CREBBP: variants seen among roughly 807,000 people sequenced by gnomAD.
The protein encoded by CREBBP is CREB-binding protein.
In CREBBP, 19 loss-of-function variants were observed where a neutral mutation model predicts 265.0. The observed-to-expected ratio is 0.07, with a 90% CI of 0.05 to 0.11. CREBBP has a LOEUF of 0.11. CREBBP is among the 10% of genes least tolerant of loss of function. CREBBP has a pLI of 1.00. For synonymous variants in CREBBP, 1,457 were observed against 1,223.7 expected, an observed-to-expected ratio of 1.19 and a Z score of -3.98; for missense variants, 2,525 against 3,219.0, an observed-to-expected ratio of 0.78 and a Z score of 5.22.
intron 21 of CREBBP, among the ~76,000 whole-genome samples, chr16:3,749,327 C>G (rs1468342505): frequency 2.0e-5 from 3 of 152,172 alleles, no homozygotes; most frequent in African/African-American, 7.2e-5. Context: ...TCTAAAGATT[C>G]ATGCTAAATG....
intron 18 of CREBBP, 56 bp downstream of exon 18, chr16:3,757,753 C>T (rs2151382900): frequency 6.2e-7 from 1 of 1,607,360 alleles, no homozygotes; most frequent in Non-Finnish European, 8.5e-7. Context: ...AGTATAACAC[C>T]CCTCTGGCTG....
intron 5 of CREBBP, among the ~76,000 whole-genome samples, chr16:3,789,253 G>A (rs959726204): frequency 2.6e-5 from 4 of 152,160 alleles, no homozygotes; most frequent in African/African-American, 9.7e-5. Flanking sequence ...AGGCTTCCAG[G>A]AGCTCATCAC....
Position 3,880,056 on chromosome 16 carries a change from G to A in CREBBP, c.-140C>T, listed in dbSNP as rs1229710093. Reference sequence around the variant, plus strand: ...CGGGCGGGCGGGCGCCGAGGGAGAGGGAGGGCGCAGGCCGGGTGGGGGAGG... The same window carrying A: ...CGGGCGGGCGGGCGCCGAGGGAGAGAGAGGGCGCAGGCCGGGTGGGGGAGG... On this transcript the variant is annotated 5_prime_UTR_variant, in exon 1 of 31. Transcript: ENST00000262367. 4 of 513,114 alleles carry A rather than the reference G, an allele frequency of 7.8e-6. No homozygotes were observed. Among genetic ancestry groups the A allele is most frequent in the East Asian group, 4.7e-5 (1 of 21,102 alleles). 31.8% of individuals were successfully genotyped at this position (513,114 alleles called of 1,614,324 possible). A position where few individuals can be genotyped will look rare whatever the true frequency, so the allele number is the denominator to read the frequency against.
chr16:3,743,052 C>A (rs556985807), intron 23 of CREBBP: 1 of 152,208 alleles, frequency 6.6e-6, no homozygotes, highest in African/African-American at 2.4e-5. Context: ...AATGCATTAG[C>A]GAACTCACTC....
At chr16:3,874,467 A>G (rs1014448094) in intron 1 of CREBBP, among the ~76,000 whole-genome samples, 1 of 152,248 alleles carries the variant, frequency 6.6e-6, no homozygotes, top group African/African-American at 2.4e-5. Flanking sequence ...CTCAGATGCC[A>G]GTCTTTACAA....
intron 3 of CREBBP, among the ~76,000 whole-genome samples, chr16:3,794,657 G>T (rs375468342): frequency 6.6e-6 from 1 of 152,296 alleles, no homozygotes; most frequent in East Asian, 1.9e-4. Flanking sequence ...TACAGAAAGG[G>T]TTTGCTTTCA....
rs2054812348 is a variant in CREBBP, at chr16:3,850,629, G to C, written c.466C>G (p.Gln156Glu). 3 of 1,614,106 alleles carry C rather than the reference G, an allele frequency of 1.9e-6. No homozygotes were observed. Among genetic ancestry groups the C allele is most frequent in the Non-Finnish European group, 2.5e-6 (3 of 1,180,056 alleles). The change falls in exon 2 of 31, where the codon CAA (glutamine) becomes GAA (glutamate). Residue 156 changes from glutamine to glutamate, a missense_variant. Physicochemically the swap from Gln to Glu is conservative, Grantham distance 29. Transcript: ENST00000262367. ...CTAGTCGCCAGCCCCACTTGCTTTT[G>C]TGCTTGCGGATTCAGTGCTTGGGAG... ...AASQALNPQA[Q>E]KQVGLATSSP...
intron 3 of CREBBP, among the ~76,000 whole-genome samples, chr16:3,794,633 T>C (rs567491625): frequency 9.2e-5 from 14 of 152,322 alleles, no homozygotes; most frequent in Non-Finnish European, 1.8e-4. Flanking sequence ...AAAGATTTGG[T>C]GATCTGCTAA....
intron 19 of CREBBP, among the ~76,000 whole-genome samples, chr16:3,756,029 T>A (rs1400716348): frequency 8.6e-5 from 13 of 151,828 alleles, no homozygotes; most frequent in African/African-American, 1.9e-4. Context: ...TATGGATTTT[T>A]AAAAAAAACA....
chr16:3,744,303 T>G lies in CREBBP; in HGVS notation c.3982+591A>C, dbSNP rs575486949. Among the ~76,000 whole-genome samples, 3 of 151,902 alleles carry G rather than the reference T, an allele frequency of 2.0e-5. No individual in the cohort carries two copies. In the East Asian group the frequency reaches 5.8e-4, roughly 29 times the overall value. On this transcript the variant is annotated intron_variant, in intron 23 of 30. Transcript: ENST00000262367. ...CGGGACAGACCCACGGCAGCCCACATAGGGCCCAGGGTTAGAGAGTGCTGG... is the reference window on the plus strand; with the variant it reads ...CGGGACAGACCCACGGCAGCCCACAGAGGGCCCAGGGTTAGAGAGTGCTGG...
rs960188275 is a variant in CREBBP, at chr16:3,802,947, C to T, written c.975+7656G>A. On this transcript the variant is annotated intron_variant, in intron 3 of 30. Coordinates refer to ENST00000262367, the MANE Select transcript of CREBBP (RefSeq NM_004380.3). ...GGGCTGGCTCTGCAATAACCACTTG[C>T]TCAGGTTCCCTCATAAGGACCTACA... Among the ~76,000 whole-genome samples, 6 of 152,162 alleles carry T rather than the reference C, an allele frequency of 3.9e-5. No individual in the cohort carries two copies. In the East Asian group the frequency reaches 1.2e-3, roughly 29 times the overall value.
Position 3,810,710 on chromosome 16 carries a change from C to T in CREBBP, c.868G>A (p.Ala290Thr), listed in dbSNP as rs557475824. The change falls in exon 3 of 31, where the codon GCC (alanine) becomes ACC (threonine). Residue 290 changes from alanine to threonine, a missense_variant. Ala to Thr is a moderately conservative substitution (Grantham distance 58). Around this residue, in one of 19 missense-constraint regions of CREBBP, gnomAD observed 126 missense variants for 171.9 expected, o/e 0.73. Transcript: ENST00000262367. The part of the protein sequence containing the change: ...FSQAGGQPMG[A>T]TGVNPQLASK... Reference sequence around the variant, plus strand: ...GCTAACTGGGGGTTCACTCCAGTGGCTCCCATTGGCTGCCCTCCAGCTTGA... The same window carrying T: ...GCTAACTGGGGGTTCACTCCAGTGGTTCCCATTGGCTGCCCTCCAGCTTGA... The T allele has an allele frequency of 6.2e-7, 1 of 1,613,904 alleles. No homozygotes were observed. The highest frequency in any genetic ancestry group is 1.1e-5 in the South Asian group (1 of 91,060).
chr16:3,735,944 A>T (rs1220923652), intron 28 of CREBBP, 92 bp downstream of exon 28: 1 of 1,606,554 alleles, frequency 6.2e-7, no homozygotes, highest in Non-Finnish European at 8.5e-7. Context: ...CCACCACAGG[A>T]AGGACCTAAC....
chr16:3,803,215 A>G (rs2141320045), intron 3 of CREBBP, among the ~76,000 whole-genome samples: 1 of 133,578 alleles, frequency 7.5e-6, no homozygotes, highest in Non-Finnish European at 1.5e-5. Flanking sequence ...CAGGCCGGGC[A>G]AGGTGGCTCA....
intron 2 of CREBBP, among the ~76,000 whole-genome samples, chr16:3,824,615 G>C (rs1167085154): frequency 6.6e-6 from 1 of 152,196 alleles, no homozygotes; most frequent in Non-Finnish European, 1.5e-5. Flanking sequence ...CAAGTCAAGA[G>C]TGATGGCCTC....
chr16:3,848,730 G>C (rs1470005604), intron 2 of CREBBP, among the ~76,000 whole-genome samples: 1 of 152,132 alleles, frequency 6.6e-6, no homozygotes, highest in African/African-American at 2.4e-5. Flanking sequence ...AAGGAGTAGA[G>C]TGATGAATGA....
intron 2 of CREBBP, among the ~76,000 whole-genome samples, chr16:3,816,412 G>A (rs2054037109): frequency 6.6e-6 from 1 of 152,200 alleles, no homozygotes; most frequent in South Asian, 2.1e-4. Context: ...GAATGGGGGT[G>A]AAACTGGATT....
At chr16:3,876,637 T>C (rs1346767196) in intron 1 of CREBBP, among the ~76,000 whole-genome samples, 2 of 152,154 alleles carry the variant, frequency 1.3e-5, no homozygotes, top group Non-Finnish European at 2.9e-5. Context: ...GAAGACCTCA[T>C]GTATGAGAAA....
intron 2 of CREBBP, among the ~76,000 whole-genome samples, chr16:3,815,352 C>T (rs1261153314): frequency 6.6e-6 from 1 of 151,780 alleles, no homozygotes; most frequent in Admixed American, 6.6e-5. Context: ...CCAGCCTGGC[C>T]AACATGGTGA....
Sources: gnomAD v4.1 joint callset for allele counts (sites outside exome capture counted in the v4.1 genomes callset) on GRCh38, gnomAD v4.1.1 for gene constraint, gnomAD v4.1.1 regional missense constraint, MANE v1.5 for transcripts, NCBI Gene and HGNC (gene_info 2026-07-23, HGNC 2026-07-21) for gene names.